MAP3K19: variants seen among roughly 807,000 people sequenced by gnomAD.
MAP3K19 encodes the protein SPS1/STE20-related protein kinase YSK4.
In MAP3K19, 91 loss-of-function variants were observed where a neutral mutation model predicts 114.4. The ratio of observed to expected loss-of-function variants is 0.80; its 90% CI spans 0.67 to 0.95. The LOEUF (loss-of-function observed/expected upper bound fraction) is 0.95. Ranked by LOEUF, MAP3K19 falls within the 40% of genes least tolerant of loss-of-function variation. The pLI is 0.00. For missense variants in MAP3K19, 1,471 were observed against 1,573.2 expected (o/e 0.94, Z 1.10); for synonymous variants, 518 against 530.5 (o/e 0.98, Z 0.32).
Position 134,986,586 on chromosome 2 carries a change from A to C in MAP3K19, c.2286T>G (p.Ile762Met). ...ACTTTATCTGCCAGTCTGGTTCTGAAATACCATCACCATTTTCAATGTCAT... is the reference window on the plus strand; with the variant it reads ...ACTTTATCTGCCAGTCTGGTTCTGACATACCATCACCATTTTCAATGTCAT... ...NLHDIENGDG[I>M]SEPDWQIKSS... The change falls in exon 10 of 13, where the codon ATT becomes ATG. Residue 762 changes from isoleucine to methionine, a missense_variant. Ile to Met is a conservative substitution (Grantham distance 10). Coordinates refer to ENST00000392915, the MANE Select transcript of MAP3K19 (RefSeq NM_025052.5). 1 of 1,614,206 alleles carries C rather than the reference A, an allele frequency of 6.2e-7. No individual in the cohort carries two copies. Among genetic ancestry groups the C allele is most frequent in the East Asian group, 2.2e-5 (1 of 44,886 alleles).
At chr2:134,977,739 A>T (rs1430026392) in intron 12 of MAP3K19, among the ~76,000 whole-genome samples, 3 of 151,822 alleles carry the variant, frequency 2.0e-5, no homozygotes, top group Admixed American at 1.3e-4. Flanking sequence ...TCAATCAGTT[A>T]TTCTGCCTCA....
Position 135,025,377 on chromosome 2 carries a change from CTTTTTTT to C in MAP3K19, c.-94-643_-94-637del, listed in dbSNP as rs754598942. On this transcript the variant is annotated intron_variant, in intron 3 of 12. Transcript: ENST00000392915. Reference sequence around the variant, plus strand: ...GCCTCTCCACATGGCCTTTTCTTTTCTTTTTTTTTTTTTTTTTTTTTTTTTTGAGGCG... The same window carrying C: ...GCCTCTCCACATGGCCTTTTCTTTTCTTTTTTTTTTTTTTTTTTTGAGGCG... 3.3e-4 allele frequency among the ~76,000 whole-genome samples: 23 copies of C among 69,556 alleles called. 1 individual carries two copies. In the East Asian group the frequency reaches 5.0e-3, roughly 15 times the overall value. The allele number at this position is 69,556 out of a possible 152,430, so 45.6% of individuals were successfully genotyped here.
At chr2:135,000,200 T>C (rs1319811241) in intron 6 of MAP3K19, among the ~76,000 whole-genome samples, 185 bp from the exon 7 acceptor site, 1 of 152,340 alleles carries the variant, frequency 6.6e-6, no homozygotes, top group African/African-American at 2.4e-5. Context: ...CCTAAATAAA[T>C]GCTTGCTTAA....
intron 12 of MAP3K19, among the ~76,000 whole-genome samples, chr2:134,969,434 A>G (rs2105142423): frequency 6.6e-6 from 1 of 152,050 alleles, no homozygotes; most frequent in African/African-American, 2.4e-5. Flanking sequence ...AATAGTAGTC[A>G]TTTTAACTGG....
chr2:135,036,979 G>A (rs927464932), intron 2 of MAP3K19, among the ~76,000 whole-genome samples: 4 of 149,448 alleles, frequency 2.7e-5, no homozygotes, highest in Admixed American at 2.0e-4. Flanking sequence ...GAGGCAGTGA[G>A]GATAAACCAG....
chr2:134,983,409 A>T lies in MAP3K19; in HGVS notation c.3222+267T>A, dbSNP rs1684849411. On this transcript the variant is annotated intron_variant, in intron 11 of 12. Coordinates refer to ENST00000392915, the MANE Select transcript of MAP3K19 (RefSeq NM_025052.5). ...CTGAGAAAAAGCCAGGCAAAGAGAG[A>T]GAGAGACCAGATCCTGATGACATTG... 3 of 606,462 alleles carry T rather than the reference A, an allele frequency of 4.9e-6. No homozygotes were observed. In the Admixed American group the frequency reaches 6.3e-5, roughly 13 times the overall value. 37.6% of individuals were successfully genotyped at this position (606,462 alleles called of 1,614,324 possible).
chr2:134,990,665 C>T (rs765925220), intron 9 of MAP3K19, among the ~76,000 whole-genome samples: 7 of 151,930 alleles, frequency 4.6e-5, no homozygotes, highest in African/African-American at 9.7e-5. Flanking sequence ...TTAGTAGAGA[C>T]GGAGTTTCAC....
chr2:135,007,145 A>G lies in MAP3K19; in HGVS notation c.139-1614T>C, dbSNP rs574489816. On this transcript the variant is annotated intron_variant, in intron 5 of 12. Coordinates refer to ENST00000392915, the MANE Select transcript of MAP3K19 (RefSeq NM_025052.5). Reference sequence around the variant, plus strand: ...GCACCACTGCACTCCAGCCTGGGCAACTGAGTGAGACCCTGTCTCAAAAAA... The same window carrying G: ...GCACCACTGCACTCCAGCCTGGGCAGCTGAGTGAGACCCTGTCTCAAAAAA... Among the ~76,000 whole-genome samples the G allele has an allele frequency of 1.2e-4, 18 of 150,178 alleles. 1 individual carries two copies. The South Asian group carries it at 3.8e-3, about 32-fold the overall frequency.
intron 3 of MAP3K19, among the ~76,000 whole-genome samples, chr2:135,025,449 G>C (rs966535674): frequency 1.5e-5 from 2 of 136,818 alleles, no homozygotes; most frequent in African/African-American, 5.8e-5. Flanking sequence ...GCAGTGGCGC[G>C]ATCTCGGCTC....
At position 134,998,977 on chromosome 2, in the gene MAP3K19, T is replaced by G. The variant is rs201841965; in HGVS notation, c.335A>C (p.Gln112Pro). The change falls in exon 8 of 13, where the codon CAA (glutamine) becomes CCA (proline). Residue 112 changes from glutamine (Q) to proline (P), a missense_variant. Gln to Pro is a moderately conservative substitution (Grantham distance 76). Transcript: ENST00000392915. Reference protein sequence around the residue: ...KEKNLINSSLQEWAQAHAVSH... With the variant: ...KEKNLINSSLPEWAQAHAVSH... ...AACTGCATGTGCTTGTGCCCATTCTTGAAGCGATGAGTTTATCAGACTAAA... is the reference window on the plus strand; with the variant it reads ...AACTGCATGTGCTTGTGCCCATTCTGGAAGCGATGAGTTTATCAGACTAAA... The G allele has an allele frequency of 2.5e-6, 4 of 1,613,430 alleles. No individual in the cohort carries two copies. In the East Asian group the frequency reaches 8.9e-5, roughly 36 times the overall value.
At chr2:135,041,548 C>T (rs1158017613) in intron 1 of MAP3K19, among the ~76,000 whole-genome samples, 1 of 151,992 alleles carries the variant, frequency 6.6e-6, no homozygotes, top group Admixed American at 6.6e-5. Context: ...AGGCTGGTCT[C>T]GAATTCCTGA....
At chr2:134,971,503 A>C (rs540665270) in intron 12 of MAP3K19, among the ~76,000 whole-genome samples, 1 of 152,256 alleles carries the variant, frequency 6.6e-6, no homozygotes, top group East Asian at 1.9e-4. Context: ...AACTGGTGTT[A>C]GTTCTTCTTT....
intron 5 of MAP3K19, among the ~76,000 whole-genome samples, chr2:135,012,338 G>A (rs943715922): frequency 2.6e-5 from 4 of 152,072 alleles, no homozygotes; most frequent in Non-Finnish European, 4.4e-5. Context: ...GGAGGTGGGC[G>A]CTGGGAATCA....
chr2:134,990,115 G>A (rs1685456403), intron 9 of MAP3K19, among the ~76,000 whole-genome samples: 1 of 151,902 alleles, frequency 6.6e-6, no homozygotes, highest in Non-Finnish European at 1.5e-5. Context: ...GAGCTACTCA[G>A]CTCATTATGT....
chr2:134,971,123 C>T (rs1021746995), intron 12 of MAP3K19, among the ~76,000 whole-genome samples: 1 of 152,090 alleles, frequency 6.6e-6, no homozygotes, highest in African/African-American at 2.4e-5. Context: ...GTTTTTATCA[C>T]AAAGGGATGT....
intron 2 of MAP3K19, among the ~76,000 whole-genome samples, chr2:135,031,157 T>TA (rs1688370680): frequency 7.5e-6 from 1 of 132,854 alleles, no homozygotes; most frequent in Non-Finnish European, 1.5e-5. Flanking sequence ...AGAGACATAT[T>TA]TAAAAAAAAA....
At chr2:135,011,125 A>C (rs1687193936) in intron 5 of MAP3K19, among the ~76,000 whole-genome samples, 1 of 152,248 alleles carries the variant, frequency 6.6e-6, no homozygotes, top group South Asian at 2.1e-4. Context: ...TTTAAACCCC[A>C]GTTAAACCAC....
intron 8 of MAP3K19, among the ~76,000 whole-genome samples, chr2:134,993,780 CAT>C (rs571399024): frequency 8.7e-4 from 133 of 152,254 alleles, no homozygotes; most frequent in African/African-American, 3.1e-3. Context: ...AATTTGGTAA[CAT>C]GTGTCAAAGC....
In MAP3K19 at chr2:134,986,634, G is replaced by A; in HGVS notation, c.2238C>T (p.Ser746=). Residue 746 remains serine, a synonymous_variant, in exon 10 of 13, where the codon TCC becomes TCT. Coordinates refer to ENST00000392915, the MANE Select transcript of MAP3K19 (RefSeq NM_025052.5). ...HKVLISKEKS[S]KAVHSNLHDI... ...CATGTAGGTTGCTATGTACAGCCTT[G>A]GAACTCTTTTCTTTAGAAATTAAGA... 6.2e-7 allele frequency: 1 copy of A among 1,614,102 alleles called. No individual in the cohort carries two copies. Among genetic ancestry groups the A allele is most frequent in the Non-Finnish European group, 8.5e-7 (1 of 1,180,018 alleles).
Sources: allele counts gnomAD v4.1 joint callset (sites outside exome capture counted in the v4.1 genomes callset), GRCh38; gene constraint gnomAD v4.1.1; transcripts MANE v1.5; gene names NCBI Gene and HGNC (gene_info 2026-07-23, HGNC 2026-07-21).